Variants in LINC00632 observed in about 807,000 individuals in gnomAD.
LINC00632 encodes long independently transcribed non-coding RNA 632.
chrX:140,787,192 T>C (rs1015505057), exon 5 of LINC00632, among the ~76,000 whole-genome samples: 6 of 111,437 alleles, frequency 5.4e-5, no homozygotes, highest in African/African-American at 2.0e-4. Flanking sequence ...AAAAACAAAT[T>C]CTCAAATAAT....
exon 5 of LINC00632, chrX:140,784,405 C>T: frequency 8.4e-7 from 1 of 1,191,852 alleles, no homozygotes; most frequent in Non-Finnish European, 1.1e-6. Flanking sequence ...AAATATATGT[C>T]TTCCAACTAA....
rs185611629 is a variant in LINC00632 at position 140,745,856 on chromosome X, A to G, written n.191+11892A>G. ...TGGGACCAGGCCCAAGAAAATATGGAAAAATGCAACTTACATAAGATTGAG... is the reference window on the plus strand; with the variant it reads ...TGGGACCAGGCCCAAGAAAATATGGGAAAATGCAACTTACATAAGATTGAG... On this transcript the variant is annotated intron_variant and non_coding_transcript_variant, in intron 3 of 4. Coordinates refer to ENST00000648200, the Ensembl canonical transcript of LINC00632. Among the ~76,000 whole-genome samples the G allele has an allele frequency of 4.5e-5, 5 of 112,146 alleles. No individual in the cohort carries two copies. The East Asian group carries it at 1.4e-3, about 31-fold the overall frequency.
At chrX:140,732,432 A>G (rs970466773) in intron 2 of LINC00632, among the ~76,000 whole-genome samples, 2 of 111,661 alleles carry the variant, frequency 1.8e-5, no homozygotes, top group South Asian at 3.8e-4. Context: ...TTAGACATGC[A>G]TATGTACATA....
At chrX:140,751,067 G>T (rs1393553699) in intron 3 of LINC00632, among the ~76,000 whole-genome samples, 1 of 111,612 alleles carries the variant, frequency 9.0e-6, no homozygotes, top group Non-Finnish European at 1.9e-5. Flanking sequence ...ATTGTGAATT[G>T]TACTGCTATT....
intron 3 of LINC00632, among the ~76,000 whole-genome samples, chrX:140,759,328 CCTTCCTTCCTTCCTTCCTTT>C (rs200612731): frequency 0.16 from 12,034 of 72,979 alleles, 1,244 homozygotes; most frequent in Non-Finnish European, 0.25. Context: ...TTCCTTCCTT[CCTTCCTTCCTTCCTTCCTTT>C]CTTTCTTTCT....
At chrX:140,720,079 T>C (rs1602732870) in intron 2 of LINC00632, among the ~76,000 whole-genome samples, 1 of 92,349 alleles carries the variant, frequency 1.1e-5, no homozygotes, top group African/African-American at 4.2e-5. Flanking sequence ...AGAGCAAGAC[T>C]CCGTCTCAAA....
intron 3 of LINC00632, among the ~76,000 whole-genome samples, chrX:140,742,787 C>T (rs377539368): frequency 9.9e-6 from 1 of 100,708 alleles, no homozygotes; most frequent in Non-Finnish European, 2.0e-5. Context: ...ACAAAACACT[C>T]GGTGAATAGC....
intron 2 of LINC00632, among the ~76,000 whole-genome samples, chrX:140,728,739 C>T (rs1434736323): frequency 9.0e-6 from 1 of 111,449 alleles, no homozygotes; most frequent in Admixed American, 9.6e-5. Flanking sequence ...TTCAGACTTT[C>T]TTCCAAATGC....
exon 5 of LINC00632, among the ~76,000 whole-genome samples, chrX:140,787,458 C>A (rs1932035062): frequency 9.0e-6 from 1 of 111,671 alleles, no homozygotes; most frequent in Admixed American, 9.6e-5. Flanking sequence ...ATAAAAACTT[C>A]TGTGATCAGC....
intron 3 of LINC00632, among the ~76,000 whole-genome samples, chrX:140,760,569 AAGAC>A (rs1931581036): frequency 1.8e-5 from 2 of 111,583 alleles, no homozygotes; most frequent in African/African-American, 6.5e-5. Flanking sequence ...ACAGGAGTTC[AAGAC>A]TAGCCTTACC....
chrX:140,781,792 A>G (rs757035163), exon 5 of LINC00632, among the ~76,000 whole-genome samples: 1 of 112,013 alleles, frequency 8.9e-6, no homozygotes, highest in Non-Finnish European at 1.9e-5. Context: ...GTTTTAATGC[A>G]GCACAGCCAT....
intron 3 of LINC00632, among the ~76,000 whole-genome samples, chrX:140,768,313 TTC>T (rs769575929): frequency 1.4e-4 from 15 of 109,674 alleles, no homozygotes; most frequent in African/African-American, 4.6e-4. Context: ...CTTACTCCCT[TTC>T]TCCTTTGATA....
intron 2 of LINC00632, among the ~76,000 whole-genome samples, chrX:140,721,517 C>T (rs1930728030): frequency 1.8e-5 from 2 of 111,229 alleles, no homozygotes; most frequent in Non-Finnish European, 3.8e-5. Context: ...AGGGTTCACA[C>T]TCTTGTGAGA....
chrX:140,759,628 G>A (rs968542293), intron 3 of LINC00632, among the ~76,000 whole-genome samples: 1 of 110,934 alleles, frequency 9.0e-6, no homozygotes, highest in African/African-American at 3.3e-5. Context: ...CAAGTCACTG[G>A]GATTGCAGTT....
exon 5 of LINC00632, among the ~76,000 whole-genome samples, chrX:140,779,722 C>A (rs1272185488): frequency 8.9e-6 from 1 of 112,211 alleles, no homozygotes; most frequent in African/African-American, 3.2e-5. Flanking sequence ...GTTTGAGACA[C>A]TGCATTTCAT....
chrX:140,783,894 T>TTGGGTCTTCCTGAAAATC, exon 5 of LINC00632: 1 of 1,208,048 alleles, frequency 8.3e-7, no homozygotes, highest in Non-Finnish European at 1.1e-6. Flanking sequence ...TCCGGATAAT[T>TTGGGTCTTCCTGAAAATC]TGGGTCTTCC....
chrX:140,776,382 T>C (rs1480347136), exon 5 of LINC00632, among the ~76,000 whole-genome samples: 1 of 112,605 alleles, frequency 8.9e-6, no homozygotes, highest in African/African-American at 3.2e-5. Context: ...GTTTCGTGAG[T>C]AGCAGAGCAG....
intron 3 of LINC00632, among the ~76,000 whole-genome samples, chrX:140,749,605 G>A (rs751692129): frequency 9.0e-6 from 1 of 111,184 alleles, no homozygotes; most frequent in East Asian, 2.9e-4. Context: ...AGACAGTGAT[G>A]GAAGGAGGAA....
intron 3 of LINC00632, among the ~76,000 whole-genome samples, chrX:140,766,204 T>C (rs920116106): frequency 8.9e-6 from 1 of 112,135 alleles, no homozygotes; most frequent in Non-Finnish European, 1.9e-5. Flanking sequence ...TGTTCCACGC[T>C]GTAGCCAGCA....
Sources: gnomAD v4.1 joint callset for allele counts (sites outside exome capture counted in the v4.1 genomes callset) on GRCh38, gnomAD v4.1.1 for gene constraint, MANE v1.5 for transcripts, NCBI Gene and HGNC (gene_info 2026-07-23, HGNC 2026-07-21) for gene names.